Variants in TRABD2B observed in about 807,000 individuals in gnomAD.
TRABD2B encodes TraB domain containing 2B.
In TRABD2B, 14 loss-of-function variants were observed where a neutral mutation model predicts 40.1. The observed-to-expected ratio is 0.35, with a 90% CI of 0.23 to 0.55. The LOEUF (loss-of-function observed/expected upper bound fraction) is 0.55. Ranked by LOEUF, TRABD2B falls within the 20% of genes least tolerant of loss-of-function variation. The probability of loss-of-function intolerance (pLI) is 0.90; values close to 1 mark genes in which losing one functional copy is unlikely to be tolerated. For synonymous variants in TRABD2B, 263 were observed against 277.0 expected (o/e 0.95, Z 0.50); for missense variants, 541 against 648.6 (o/e 0.83, Z 1.80).
intron 2 of TRABD2B, among the ~76,000 whole-genome samples, chr1:47,880,782 G>A (rs567746290): frequency 4.6e-5 from 7 of 152,308 alleles, no homozygotes; most frequent in Admixed American, 3.3e-4. Flanking sequence ...AGGCTTCTCC[G>A]CCTCTCACAA....
At chr1:47,899,565 A>G (rs1644570634) in intron 2 of TRABD2B, among the ~76,000 whole-genome samples, 1 of 152,200 alleles carries the variant, frequency 6.6e-6, no homozygotes, top group Non-Finnish European at 1.5e-5. Context: ...GAATCTTGGG[A>G]GCAGTGAGAG....
intron 2 of TRABD2B, among the ~76,000 whole-genome samples, chr1:47,850,223 C>G (rs189958884): frequency 8.5e-5 from 13 of 152,274 alleles, no homozygotes; most frequent in Admixed American, 5.9e-4. Context: ...TCCCTCTCAG[C>G]CAGGACAGGG....
intron 2 of TRABD2B, among the ~76,000 whole-genome samples, chr1:47,952,512 G>T (rs1397098524): frequency 6.6e-6 from 1 of 152,180 alleles, no homozygotes; most frequent in African/African-American, 2.4e-5. Flanking sequence ...GCTGACTGCT[G>T]TTCTCTGTAT....
At chr1:47,776,626 A>G (rs867787242) in intron 5 of TRABD2B, among the ~76,000 whole-genome samples, 11 of 152,160 alleles carry the variant, frequency 7.2e-5, no homozygotes, top group South Asian at 2.1e-4. Context: ...CATGGCCACA[A>G]TAGAATTTGT....
At chr1:47,779,910 T>TG in intron 4 of TRABD2B, among the ~76,000 whole-genome samples, 1 of 152,190 alleles carries the variant, frequency 6.6e-6, no homozygotes, top group Non-Finnish European at 1.5e-5. Flanking sequence ...GACAGGCTGT[T>TG]GGGGAACAGA....
intron 2 of TRABD2B, among the ~76,000 whole-genome samples, chr1:47,913,926 C>A (rs1644795795): frequency 6.6e-6 from 1 of 152,232 alleles, no homozygotes; most frequent in South Asian, 2.1e-4. Context: ...AAAACTAAGG[C>A]ATGGTTGATT....
At chr1:47,971,581 C>A (rs1645683140) in intron 2 of TRABD2B, among the ~76,000 whole-genome samples, 1 of 152,190 alleles carries the variant, frequency 6.6e-6, no homozygotes, top group Non-Finnish European at 1.5e-5. Flanking sequence ...GATACCACAC[C>A]TTAACAGGAG....
At chr1:47,789,539 T>C (rs777123109) in intron 4 of TRABD2B, among the ~76,000 whole-genome samples, 3 of 152,136 alleles carry the variant, frequency 2.0e-5, no homozygotes, top group Admixed American at 6.5e-5. Flanking sequence ...CTTGTCCTGG[T>C]CAGTTCTTGT....
rs572572518 is a variant in TRABD2B, at chr1:47,886,318, A to T, written c.667-84699T>A. Among the ~76,000 whole-genome samples the T allele has an allele frequency of 8.3e-4, 127 of 152,266 alleles. 3 individuals carry two copies. The South Asian group carries it at 0.024, about 29-fold the overall frequency. ...GCATATGCACTGTTCAGCATGATGG[A>T]TGAACTTTACCCGCTGAAGTGTTGG... On this transcript the variant is annotated intron_variant, in intron 2 of 6. Transcript: ENST00000606738.
At chr1:47,946,491 A>C (rs935193500) in intron 2 of TRABD2B, among the ~76,000 whole-genome samples, 5 of 152,160 alleles carry the variant, frequency 3.3e-5, no homozygotes, top group African/African-American at 1.2e-4. Context: ...TAATGAGATG[A>C]TCATATGGGT....
rs1323929440 is a variant in TRABD2B, at chr1:47,766,021, G to A, written c.1435C>T (p.Leu479=). Residue 479 remains leucine, a synonymous_variant, in exon 7 of 7, where the codon CTA becomes TTA. Coordinates refer to ENST00000606738, the MANE Select transcript of TRABD2B (RefSeq NM_001194986.2). ...GGCCCTGGCGGGTCCTGCTGTTGTAGCTGGTCTGAAAGCTGGAAGGGGGGC... is the reference window on the plus strand; with the variant it reads ...GGCCCTGGCGGGTCCTGCTGTTGTAACTGGTCTGAAAGCTGGAAGGGGGGC... ...AKPPFQLSDQ[L]QQQDPPGPAS... The A allele has an allele frequency of 1.4e-6, 1 of 696,280 alleles. No individual in the cohort carries two copies. Among genetic ancestry groups the A allele is most frequent in the Non-Finnish European group, 2.6e-6 (1 of 381,558 alleles). The allele number at this position is 696,280 out of a possible 1,614,324, so 43.1% of individuals were successfully genotyped here. A position where few individuals can be genotyped will look rare whatever the true frequency, so the allele number is the denominator to read the frequency against.
intron 2 of TRABD2B, among the ~76,000 whole-genome samples, chr1:47,949,565 G>A (rs1645311323): frequency 6.6e-6 from 1 of 151,696 alleles, no homozygotes; most frequent in East Asian, 1.9e-4. Flanking sequence ...GTGCCACCAT[G>A]GCCAGCTAAT....
intron 2 of TRABD2B, among the ~76,000 whole-genome samples, chr1:47,815,825 A>ATAGATAGC (rs1557589129): frequency 1.2e-5 from 1 of 85,914 alleles, no homozygotes; most frequent in African/African-American, 3.4e-5. Context: ...AGATAGATAG[A>ATAGATAGC]TAGATAGATA....
chr1:47,954,215 G>A (rs1645386154), intron 2 of TRABD2B, among the ~76,000 whole-genome samples: 1 of 152,128 alleles, frequency 6.6e-6, no homozygotes, highest in East Asian at 1.9e-4. Context: ...TGTGGGGTAT[G>A]TTCCCCAAAT....
At chr1:47,790,457 C>T (rs1244746718) in intron 4 of TRABD2B, among the ~76,000 whole-genome samples, 2 of 152,204 alleles carry the variant, frequency 1.3e-5, no homozygotes, top group African/African-American at 4.8e-5. Context: ...CACACATTTG[C>T]ACCCCACCTG....
chr1:47,918,112 C>T (rs1024852056), intron 2 of TRABD2B, among the ~76,000 whole-genome samples: 3 of 152,218 alleles, frequency 2.0e-5, no homozygotes, highest in Non-Finnish European at 4.4e-5. Flanking sequence ...CAGAACATCA[C>T]CTTCACTCTA....
rs548259000 is a variant in TRABD2B at position 47,961,853 on chromosome 1, T to C, written c.666+32181A>G. On this transcript the variant is annotated intron_variant, in intron 2 of 6. Coordinates refer to ENST00000606738, the MANE Select transcript of TRABD2B (RefSeq NM_001194986.2). ...AGAAATACCATTTGACCCACCCATC[T>C]CATTACTGGGTATATACCCAAAGGA... 1.1e-3 allele frequency among the ~76,000 whole-genome samples: 169 copies of C among 152,286 alleles called. 1 individual carries two copies. The South Asian group carries it at 0.026, about 23-fold the overall frequency.
intron 2 of TRABD2B, among the ~76,000 whole-genome samples, chr1:47,954,138 A>T (rs994414823): frequency 1.3e-5 from 2 of 152,232 alleles, no homozygotes; most frequent in African/African-American, 4.8e-5. Flanking sequence ...TACAGATTCA[A>T]ATCACGGTAG....
intron 2 of TRABD2B, among the ~76,000 whole-genome samples, chr1:47,828,595 G>A (rs1417803666): frequency 6.6e-6 from 1 of 152,214 alleles, no homozygotes; most frequent in Non-Finnish European, 1.5e-5. Context: ...GCATGCCGAG[G>A]CCAGAGGTAT....
Sources: allele counts gnomAD v4.1 joint callset (sites outside exome capture counted in the v4.1 genomes callset), GRCh38; gene constraint gnomAD v4.1.1; transcripts MANE v1.5; gene names NCBI Gene and HGNC (gene_info 2026-07-23, HGNC 2026-07-21).